The following MAF variants were observed in gnomAD, a reference collection of about 807,000 sequenced individuals.
MAF encodes the protein MAF bZIP transcription factor.
A neutral mutation model predicts 22.0 loss-of-function variants in MAF; 10 were observed. The observed-to-expected ratio is 0.45, with a 90% confidence interval of 0.28 to 0.77. The LOEUF (loss-of-function observed/expected upper bound fraction) is 0.77. Among genes scored for constraint, MAF ranks in the 30% least tolerant of loss-of-function variants. The pLI, the probability that MAF is intolerant of heterozygous loss-of-function variation, is 0.12. For missense variants in MAF, 544 were observed against 548.4 expected (o/e 0.99, Z 0.08); for synonymous variants, 337 against 255.8 (o/e 1.32, Z -3.03).
chr16:79,301,776 T>G, the MAF span, among the ~76,000 whole-genome samples: 967 of 152,354 alleles, frequency 6.3e-3, 9 homozygotes, highest in African/African-American at 0.022. Flanking sequence ...GAGCACTTAC[T>G]GTGCTCTGGG....
the MAF span, among the ~76,000 whole-genome samples, chr16:79,568,062 C>T: frequency 6.6e-6 from 1 of 151,982 alleles, no homozygotes. Flanking sequence ...CCTCGGAAAG[C>T]AAAATGAACT....
chr16:79,325,452 C>G, the MAF span, among the ~76,000 whole-genome samples: 1 of 152,042 alleles, frequency 6.6e-6, no homozygotes, highest in Non-Finnish European at 1.5e-5. Flanking sequence ...TCATGAAGCT[C>G]AGAGAGAGGA....
the MAF span, among the ~76,000 whole-genome samples, chr16:79,580,700 G>A: frequency 2.0e-5 from 3 of 151,978 alleles, no homozygotes; most frequent in Non-Finnish European, 4.4e-5. Context: ...CTCCCCTACT[G>A]TGACAGATGC....
the MAF span, among the ~76,000 whole-genome samples, chr16:79,374,883 G>C: frequency 6.6e-6 from 1 of 152,142 alleles, no homozygotes; most frequent in Non-Finnish European, 1.5e-5. Context: ...AGTCAGGGTG[G>C]GGTATGAAAA....
the MAF span, among the ~76,000 whole-genome samples, chr16:79,370,399 A>G: frequency 2.9e-3 from 442 of 152,308 alleles, no homozygotes; most frequent in African/African-American, 9.9e-3. Flanking sequence ...TCCTTTGCCT[A>G]TGACACCTCT....
chr16:79,251,572 C>T, the MAF span, among the ~76,000 whole-genome samples: 1 of 150,318 alleles, frequency 6.7e-6, no homozygotes. Context: ...TCGCCTCGGC[C>T]TCCCAAAGTG....
the MAF span, among the ~76,000 whole-genome samples, chr16:79,547,904 G>GAGAGAGAGAGAGAGAGAC: frequency 1.5e-4 from 20 of 135,086 alleles, no homozygotes; most frequent in Non-Finnish European, 2.9e-4. Flanking sequence ...GTGTGTGTGA[G>GAGAGAGAGAGAGAGAGAC]AGAGAGAGAG....
the MAF span, among the ~76,000 whole-genome samples, chr16:79,526,947 T>C: frequency 5.3e-5 from 8 of 152,180 alleles, no homozygotes; most frequent in Non-Finnish European, 1.2e-4. Flanking sequence ...ATTGATTTGA[T>C]TGTAAAGTTA....
At chr16:79,453,609 G>A in the MAF span, among the ~76,000 whole-genome samples, 1 of 152,190 alleles carries the variant, frequency 6.6e-6, no homozygotes, top group Non-Finnish European at 1.5e-5. Context: ...TTAGGAGACT[G>A]GGGGACAGGA....
chr16:79,384,573 C>T, the MAF span, among the ~76,000 whole-genome samples: 7 of 151,448 alleles, frequency 4.6e-5, no homozygotes, highest in South Asian at 4.2e-4. Flanking sequence ...CTGGCTAACA[C>T]GGTGAAACCC....
the MAF span, among the ~76,000 whole-genome samples, chr16:79,529,576 G>A: frequency 0.027 from 4,151 of 152,224 alleles, 105 homozygotes; most frequent in African/African-American, 0.06. Context: ...AGAGTTAAAA[G>A]GAACAATTTA....
At chr16:79,527,641 G>C in the MAF span, among the ~76,000 whole-genome samples, 6 of 151,640 alleles carry the variant, frequency 4.0e-5, no homozygotes, top group Non-Finnish European at 7.4e-5. Flanking sequence ...AATCATTAAG[G>C]GGGGGGTCCC....
the MAF span, among the ~76,000 whole-genome samples, chr16:79,516,868 C>T: frequency 6.6e-6 from 1 of 152,204 alleles, no homozygotes; most frequent in Non-Finnish European, 1.5e-5. Context: ...CTTAAAGCAG[C>T]TAGACCTTCA....
At chr16:79,595,771 A>C in intron 1 of MAF, 1 of 1,056,906 alleles carries the variant, frequency 9.5e-7, no homozygotes, top group Non-Finnish European at 1.1e-6. Flanking sequence ...TGAAATCATT[A>C]CTAGCTCATC....
chr16:79,433,248 T>A, the MAF span, among the ~76,000 whole-genome samples: 1 of 137,936 alleles, frequency 7.2e-6, no homozygotes. Context: ...GGGAAATACA[T>A]AATGTAAGAT....
At chr16:79,463,176 T>G in the MAF span, among the ~76,000 whole-genome samples, 1 of 152,148 alleles carries the variant, frequency 6.6e-6, no homozygotes, top group African/African-American at 2.4e-5. Context: ...ATCAGGCCCA[T>G]GTAGCTGGAA....
At chr16:79,308,110 T>C in the MAF span, among the ~76,000 whole-genome samples, 3 of 152,204 alleles carry the variant, frequency 2.0e-5, no homozygotes, top group African/African-American at 7.2e-5. Flanking sequence ...GTCATATCTA[T>C]GGTGTCCCTG....
chr16:79,502,820 A>C, the MAF span, among the ~76,000 whole-genome samples: 1 of 146,772 alleles, frequency 6.8e-6, no homozygotes, highest in Non-Finnish European at 1.5e-5. Flanking sequence ...ATAAAAAAAA[A>C]CCCAAGGGAA....
At chr16:79,305,099 G>A in the MAF span, among the ~76,000 whole-genome samples, 24 of 152,134 alleles carry the variant, frequency 1.6e-4, no homozygotes, top group Non-Finnish European at 2.5e-4. Context: ...TATCCATTTC[G>A]GCTTGTATTA....
Sources: allele counts gnomAD v4.1 joint callset (sites outside exome capture counted in the v4.1 genomes callset), GRCh38; gene constraint gnomAD v4.1.1; transcripts MANE v1.5; gene names NCBI Gene and HGNC (gene_info 2026-07-23, HGNC 2026-07-21).